The following ASPM variants were observed in gnomAD, a reference collection of about 807,000 sequenced individuals.
ASPM encodes the protein assembly factor for spindle microtubules.
In ASPM, 256 loss-of-function variants were observed where a neutral mutation model predicts 366.4. The ratio of observed to expected loss-of-function variants is 0.70; its 90% CI spans 0.63 to 0.77. The LOEUF is 0.77. Ranked by LOEUF, ASPM falls within the 30% of genes least tolerant of loss-of-function variation. ASPM has a pLI of 0.00. For synonymous variants in ASPM, 1,414 were observed against 1,342.9 expected (o/e 1.05, Z -1.16); for missense variants, 4,146 against 4,090.4 (o/e 1.01, Z -0.37).
At chr1:197,115,362 AC>A (rs1372035110) in intron 17 of ASPM, among the ~76,000 whole-genome samples, 1 of 152,046 alleles carries the variant, frequency 6.6e-6, no homozygotes, top group Non-Finnish European at 1.5e-5. Context: ...GAAATCTTTA[AC>A]CCATCGAAGT....
intron 20 of ASPM, 63 bp from the exon 21 acceptor site, chr1:197,093,324 G>C (rs929170625): frequency 7.6e-7 from 1 of 1,312,258 alleles, no homozygotes. Flanking sequence ...CAACCCACTA[G>C]AAGTTCTTGA....
intron 17 of ASPM, 84 bp from the exon 18 acceptor site, chr1:197,105,269 A>T (rs546736050): frequency 3.8e-6 from 4 of 1,054,680 alleles, no homozygotes; most frequent in African/African-American, 3.2e-5. Context: ...TTTTTCTAAC[A>T]TTCTGCTTAA....
chr1:197,132,392 A>C (rs1465479005), intron 6 of ASPM, 40 bp from the exon 7 acceptor site: 1 of 1,550,596 alleles, frequency 6.4e-7, no homozygotes, highest in Admixed American at 1.7e-5. Context: ...CAAATTGATA[A>C]TCAAATAGAG....
rs62623448 is a variant in ASPM at position 197,103,780 on chromosome 1, T to C, written c.5471A>G (p.Gln1824Arg). 22 of 1,612,976 alleles carry C rather than the reference T, an allele frequency of 1.4e-5. No individual in the cohort carries two copies. In the African/African-American group the frequency reaches 2.4e-4, roughly 18 times the overall value. Residue 1824 changes from glutamine to arginine, a missense_variant, in exon 18 of 28, where the codon CAA becomes CGA. Transcript: ENST00000367409. ...GYKVRQLIKQ[Q>R]SIAALKIQSA... is the part of the protein sequence containing the mutation. ...CTGAATTTTAAGAGCAGCTATAGAT[T>C]GTTGTTTGATTAGCTGGCGTACTTT...
intron 10 of ASPM, among the ~76,000 whole-genome samples, chr1:197,127,520 G>C (rs1658126926): frequency 6.6e-6 from 1 of 152,088 alleles, no homozygotes. Context: ...GTGCTTCCTT[G>C]ATAAGGATAT....
intron 4 of ASPM, 102 bp downstream of exon 4, chr1:197,139,664 GC>G: frequency 1.1e-6 from 1 of 918,482 alleles, no homozygotes; most frequent in Non-Finnish European, 1.8e-6. Context: ...ATTCTTCCAG[GC>G]TGTTATTCAA....
At chr1:197,111,136 A>G (rs1401899096) in intron 17 of ASPM, among the ~76,000 whole-genome samples, 1 of 152,102 alleles carries the variant, frequency 6.6e-6, no homozygotes, top group Non-Finnish European at 1.5e-5. Context: ...TAAACTATCA[A>G]CAGAATAAAC....
At chr1:197,105,321 A>C in intron 17 of ASPM, 136 bp from the exon 18 acceptor site, 1 of 754,746 alleles carries the variant, frequency 1.3e-6, no homozygotes, top group South Asian at 1.8e-5. Flanking sequence ...TTTTTGTGAG[A>C]TATTTGTCTC....
intron 6 of ASPM, among the ~76,000 whole-genome samples, chr1:197,133,045 G>A (rs942980558): frequency 2.9e-4 from 44 of 152,036 alleles, no homozygotes; most frequent in Middle Eastern, 3.2e-3. Context: ...TCTGGAGATC[G>A]AATGTACACC....
Position 197,101,107 on chromosome 1 carries a change from A to G in ASPM, c.8144T>C (p.Ile2715Thr), listed in dbSNP as rs1363246695. The G allele has an allele frequency of 1.9e-6, 3 of 1,611,960 alleles. No individual in the cohort carries two copies. The highest frequency in any genetic ancestry group is 1.3e-5 in the African/African-American group (1 of 74,788). ...KVDYETKKTA[I>T]VVIQNYYRLY... Reference sequence around the variant, plus strand: ...CCTATAATAATTCTGTATAACCACAATTGCAGTTTTCTTTGTTTCATAATC... The same window carrying G: ...CCTATAATAATTCTGTATAACCACAGTTGCAGTTTTCTTTGTTTCATAATC... Residue 2715 changes from isoleucine to threonine, a missense_variant, in exon 18 of 28, where the codon ATT becomes ACT. Transcript: ENST00000367409.
chr1:197,128,627 G>C lies in ASPM; in HGVS notation c.2799C>G (p.Phe933Leu). The change falls in exon 10 of 28, where the codon TTC (phenylalanine) becomes TTG (leucine). Residue 933 changes from phenylalanine (F) to leucine (L), a missense_variant. Around this residue, in one of 3 missense-constraint regions of ASPM, gnomAD observed 3,624 missense variants for 3,591.7 expected, o/e 1.01. Transcript: ENST00000367409. Reference protein sequence around the residue: ...KEILLAFSRDFLSGEGDLSRH... With the variant: ...KEILLAFSRDLLSGEGDLSRH... ...GGGAAAGGTCACCTTCACCACTTAG[G>C]AAATCTCGTGAAAAAGCCAAAAGGA... is the stretch of plus-strand genomic sequence containing the variant. 1 of 1,613,608 alleles carries C rather than the reference G, an allele frequency of 6.2e-7. No individual in the cohort carries two copies. Among genetic ancestry groups the C allele is most frequent in the Non-Finnish European group, 8.5e-7 (1 of 1,179,716 alleles).
Position 197,104,280 on chromosome 1 carries a change from T to A in ASPM, c.4971A>T (p.Thr1657=), listed in dbSNP as rs369031263. The part of the protein sequence containing the change: ...QARKMYIHIL[T]SVIKIQSYYR... ...AATATGATTGAATCTTTATAACAGA[T>A]GTGAGGATGTGAATATACATTTTCC... The change falls in exon 18 of 28, where the codon ACA becomes ACT. Residue 1657 remains threonine, a synonymous_variant. Transcript: ENST00000367409. 1.2e-6 allele frequency: 2 copies of A among 1,613,022 alleles called. No individual in the cohort carries two copies.
intron 1 of ASPM, among the ~76,000 whole-genome samples, chr1:197,145,868 A>ATATATATATATATATATATT (rs1334452029): frequency 7.0e-6 from 1 of 143,232 alleles, no homozygotes; most frequent in African/African-American, 2.6e-5. Context: ...ATATATATAT[A>ATATATATATATATATATATT]ATATTGACAC....
rs1393085391 is a variant in ASPM at position 197,103,653 on chromosome 1, A to G, written c.5598T>C (p.Asp1866=). 5 of 1,612,812 alleles carry G rather than the reference A, an allele frequency of 3.1e-6. No homozygotes were observed. The highest frequency in any genetic ancestry group is 2.2e-5 in the East Asian group (1 of 44,842). Residue 1866 remains aspartate, a synonymous_variant, in exon 18 of 28, where the codon GAT becomes GAC. Transcript: ENST00000367409. ...RWYRAYKTLH[D]TRTHFLKTKA... is the part of the protein sequence containing the mutation. ...TTGTCTTCAAAAAATGTGTTCTTGT[A>G]TCATGAAGAGTCTTGTACGCCCTGT...
chr1:197,094,001 T>C, intron 20 of ASPM, 83 bp downstream of exon 20: 1 of 987,846 alleles, frequency 1.0e-6, no homozygotes, highest in Non-Finnish European at 1.5e-6. Flanking sequence ...GATTTATTTT[T>C]AAAAATTAAA....
intron 3 of ASPM, among the ~76,000 whole-genome samples, 200 bp downstream of exon 3, chr1:197,142,131 A>T (rs1658604311): frequency 6.6e-6 from 1 of 152,208 alleles, no homozygotes; most frequent in African/African-American, 2.4e-5. Flanking sequence ...ATCAGAACAT[A>T]TCTACAAGAA....
Position 197,091,908 on chromosome 1 carries a change from T to C in ASPM, c.9443A>G (p.Gln3148Arg). The C allele has an allele frequency of 6.2e-7, 1 of 1,609,822 alleles. No homozygotes were observed. Among genetic ancestry groups the C allele is most frequent in the Non-Finnish European group, 8.5e-7 (1 of 1,178,268 alleles). ...TTTTACTGCAAAGAAGAAGCAAACC[T>C]GAATACAGATGACTGAATTAACCTG... The part of the protein sequence containing the change: ...NKQVNSVICI[Q>R]RWFRARLQEK... The change falls in exon 22 of 28, where the codon CAG becomes CGG. Residue 3148 changes from glutamine to arginine, a missense_variant and splice_region_variant. Around this residue, in one of 3 missense-constraint regions of ASPM, gnomAD observed 3,624 missense variants for 3,591.7 expected, o/e 1.01. Transcript: ENST00000367409.
Position 197,096,174 on chromosome 1 carries a change from A to C in ASPM, c.8821-10T>G. The C allele has an allele frequency of 1.3e-6, 2 of 1,578,562 alleles. No individual in the cohort carries two copies. The highest frequency in any genetic ancestry group is 1.1e-5 in the South Asian group (1 of 90,320). On this transcript the variant is annotated splice_polypyrimidine_tract_variant and intron_variant, in intron 18 of 27. Transcript: ENST00000367409. ...ATCTCCTCCACATAGCCTATTAAAT[A>C]CATAAATATAACAAGTATGCAATGA... is the stretch of plus-strand genomic sequence containing the variant.
At chr1:197,123,675 C>T (rs1000662167) in intron 13 of ASPM, among the ~76,000 whole-genome samples, 1 of 152,030 alleles carries the variant, frequency 6.6e-6, no homozygotes, top group African/African-American at 2.4e-5. Context: ...CATATATTTA[C>T]ACTAAGAAGT....
Sources: allele counts gnomAD v4.1 joint callset (sites outside exome capture counted in the v4.1 genomes callset), GRCh38; gene constraint gnomAD v4.1.1; regional missense constraint gnomAD v4.1.1; transcripts MANE v1.5; gene names NCBI Gene and HGNC (gene_info 2026-07-23, HGNC 2026-07-21).